The following NAA50 variants were observed in gnomAD, a reference collection of about 807,000 sequenced individuals.
The protein encoded by NAA50 is N-alpha-acetyltransferase 50, NatE catalytic subunit.
Under a neutral mutation model 20.7 loss-of-function variants are expected in NAA50, and 7 were observed. The observed-to-expected ratio is 0.34, with a 90% CI of 0.19 to 0.63. The LOEUF is 0.63. Among genes scored for constraint, NAA50 ranks in the 30% least tolerant of loss-of-function variants. NAA50 has a pLI of 0.75. For missense variants in NAA50, 111 were observed against 199.1 expected (o/e 0.56, Z 2.66); for synonymous variants, 54 against 70.6 (o/e 0.77, Z 1.18).
At chr3:113,725,851 T>C (rs1456691034) in intron 1 of NAA50, among the ~76,000 whole-genome samples, 1 of 152,250 alleles carries the variant, frequency 6.6e-6, no homozygotes, top group Non-Finnish European at 1.5e-5. Context: ...TAATATTTTA[T>C]CTTATAGTAC....
In NAA50 at chr3:113,726,361, T is replaced by C. The variant is rs193294584; in HGVS notation, c.9-2266A>G. On this transcript the variant is annotated intron_variant, in intron 1 of 4. Transcript: ENST00000240922. The stretch of plus-strand genomic sequence containing the variant: ...CCAAGTATTTGACAACTATAATGAA[T>C]TCCCTGTATGAAATTCATGTTTTCT... 9.2e-5 allele frequency among the ~76,000 whole-genome samples: 14 copies of C among 152,294 alleles called. No individual in the cohort carries two copies. The South Asian group carries it at 2.3e-3, about 25-fold the overall frequency.
chr3:113,722,824 A>C, intron 4 of NAA50, 82 bp downstream of exon 4: 1 of 1,417,720 alleles, frequency 7.1e-7, no homozygotes, highest in South Asian at 1.4e-5. Context: ...ACAATAAGTG[A>C]CCAGATTTTA....
rs112179629 is a variant in NAA50, at chr3:113,722,869, C to G, written c.332+37G>C. ...GTAAAGATTTCTCCTGCCAATTAAACCCCTTTGATAAGAACATTAAATATT... is the reference window on the plus strand; with the variant it reads ...GTAAAGATTTCTCCTGCCAATTAAAGCCCTTTGATAAGAACATTAAATATT... On this transcript the variant is annotated intron_variant, in intron 4 of 4. Transcript: ENST00000240922. 1,017 of 1,484,028 alleles carry G rather than the reference C, an allele frequency of 6.9e-4. 8 individuals are homozygous for G. The African/African-American group carries it at 0.013, about 18-fold the overall frequency. 91.9% of individuals were successfully genotyped at this position (1,484,028 alleles called of 1,614,324 possible). A position where few individuals can be genotyped will look rare whatever the true frequency, so the allele number is the denominator to read the frequency against.
intron 2 of NAA50, 40 bp from the exon 3 acceptor site, chr3:113,723,581 G>A (rs780053452): frequency 1.3e-5 from 21 of 1,556,628 alleles, no homozygotes; most frequent in Non-Finnish European, 1.8e-5. Flanking sequence ...TGAACAGACA[G>A]AATAACACAT....
intron 1 of NAA50, among the ~76,000 whole-genome samples, chr3:113,728,552 T>C (rs1275674561): frequency 6.6e-6 from 1 of 152,192 alleles, no homozygotes; most frequent in Admixed American, 6.5e-5. Flanking sequence ...AGTGATGTAG[T>C]CCGAAAATCA....
intron 1 of NAA50, among the ~76,000 whole-genome samples, chr3:113,733,528 A>C (rs1482658000): frequency 6.6e-6 from 1 of 152,142 alleles, no homozygotes; most frequent in African/African-American, 2.4e-5. Flanking sequence ...TAATTGTTTA[A>C]AAAATCCTTC....
intron 1 of NAA50, among the ~76,000 whole-genome samples, chr3:113,743,536 A>G (rs1443323454): frequency 6.6e-6 from 1 of 152,232 alleles, no homozygotes; most frequent in Non-Finnish European, 1.5e-5. Flanking sequence ...TCAGTATCCG[A>G]ACAAGCACAA....
intron 2 of NAA50, 42 bp downstream of exon 2, chr3:113,723,917 A>G (rs762217155): frequency 6.6e-7 from 1 of 1,507,102 alleles, no homozygotes; most frequent in South Asian, 1.4e-5. Context: ...AAGAACAAAA[A>G]GAAAGAAAAG....
At chr3:113,745,809 C>G (rs1708487850) in intron 1 of NAA50, 133 bp downstream of exon 1, 1 of 1,119,698 alleles carries the variant, frequency 8.9e-7, no homozygotes, top group Non-Finnish European at 1.2e-6. Flanking sequence ...GCCGAGGGAA[C>G]TGAGAAGCAG....
chr3:113,729,974 T>C (rs1417055535), intron 1 of NAA50, among the ~76,000 whole-genome samples: 3 of 152,176 alleles, frequency 2.0e-5, no homozygotes, highest in Non-Finnish European at 4.4e-5. Flanking sequence ...GATCTTATTC[T>C]TTTAATCTGA....
intron 1 of NAA50, among the ~76,000 whole-genome samples, chr3:113,743,922 C>T (rs1028310304): frequency 2.0e-5 from 3 of 152,186 alleles, no homozygotes; most frequent in African/African-American, 7.2e-5. Flanking sequence ...GACTGTTCAG[C>T]TTCATTTCTA....
intron 2 of NAA50, 93 bp downstream of exon 2, chr3:113,723,864 CTA>C: frequency 7.5e-7 from 1 of 1,335,410 alleles, no homozygotes; most frequent in Admixed American, 2.7e-5. Context: ...AATAAACAAA[CTA>C]AATTAGTTAA....
At chr3:113,730,255 G>A (rs891080034) in intron 1 of NAA50, among the ~76,000 whole-genome samples, 5 of 151,574 alleles carry the variant, frequency 3.3e-5, no homozygotes, top group African/African-American at 9.7e-5. Context: ...AGCCGAGATC[G>A]CCACCACTGC....
chr3:113,728,327 T>C (rs1708226540), intron 1 of NAA50, among the ~76,000 whole-genome samples: 1 of 152,224 alleles, frequency 6.6e-6, no homozygotes, highest in Admixed American at 6.5e-5. Flanking sequence ...TTTCAATAAA[T>C]ATTTGAGTAT....
At chr3:113,723,114 TG>T in intron 3 of NAA50, 142 bp from the exon 4 acceptor site, 1 of 1,210,336 alleles carries the variant, frequency 8.3e-7, no homozygotes, top group Non-Finnish European at 1.1e-6. Context: ...TTTCCAAAGT[TG>T]TGTTCTCTCT....
rs757728707 is a variant in NAA50 at position 113,722,998 on chromosome 3, C to T, written c.266-26G>A. The T allele has an allele frequency of 2.0e-5, 30 of 1,500,938 alleles. 1 individual carries two copies. Among genetic ancestry groups the T allele is most frequent in the Middle Eastern group, 1.8e-4 (1 of 5,554 alleles). 93.0% of individuals were successfully genotyped at this position (1,500,938 alleles called of 1,614,324 possible). ...CTGTTAATAAAATAAATAACAAACA[C>T]GTGACTTCATAAATCAACCTTTAAA... On this transcript the variant is annotated intron_variant, in intron 3 of 4. Coordinates refer to ENST00000240922, the MANE Select transcript of NAA50 (RefSeq NM_025146.4).
chr3:113,721,149 A>G lies in NAA50; in HGVS notation c.*611T>C, dbSNP rs1347195024. 5 of 152,920 alleles carry G rather than the reference A, an allele frequency of 3.3e-5. No individual in the cohort carries two copies. Among genetic ancestry groups the G allele is most frequent in the Admixed American group, 6.5e-5 (1 of 15,280 alleles). The allele number at this position is 152,920 out of a possible 1,614,324, so 9.5% of individuals were successfully genotyped here. The stretch of plus-strand genomic sequence containing the variant: ...AATACTTAGACCAAAGTATAACACT[A>G]AACCAAACTGCCCCACCCACCAGCA... On this transcript the variant is annotated 3_prime_UTR_variant, in exon 5 of 5. Transcript: ENST00000240922.
At chr3:113,730,966 G>C (rs956233862) in intron 1 of NAA50, among the ~76,000 whole-genome samples, 1 of 152,158 alleles carries the variant, frequency 6.6e-6, no homozygotes, top group Non-Finnish European at 1.5e-5. Context: ...GGTCTTAAGT[G>C]TATAGGAGTT....
chr3:113,743,221 T>G (rs534359262), intron 1 of NAA50, among the ~76,000 whole-genome samples: 9 of 152,204 alleles, frequency 5.9e-5, no homozygotes, highest in Non-Finnish European at 8.8e-5. Context: ...AAGTTTTAAG[T>G]TTCAATATGA....
Sources: gnomAD v4.1 joint callset for allele counts (sites outside exome capture counted in the v4.1 genomes callset) on GRCh38, gnomAD v4.1.1 for gene constraint, MANE v1.5 for transcripts, NCBI Gene and HGNC (gene_info 2026-07-23, HGNC 2026-07-21) for gene names.